FDFT1: variants seen among roughly 807,000 people sequenced by gnomAD.
The protein encoded by FDFT1 is squalene synthase.
In FDFT1, 68 loss-of-function variants were observed where a neutral mutation model predicts 46.8. The observed-to-expected ratio is 1.45, with a 90% CI of 1.19 to 1.78. The LOEUF (loss-of-function observed/expected upper bound fraction) is 1.78, where lower values mean the gene tolerates loss of function less well. Ranked by LOEUF, FDFT1 falls within the 40% of genes most tolerant of loss-of-function variation. The pLI is 0.00. For synonymous variants in FDFT1, 351 were observed against 185.1 expected (o/e 1.90, Z -7.28); for missense variants, 928 against 524.4 (o/e 1.77, Z -7.52).
chr8:11,802,779 C>A lies in FDFT1; in HGVS notation c.-54C>A. On this transcript the variant is annotated 5_prime_UTR_variant, in exon 1 of 8. Coordinates refer to ENST00000220584, the MANE Select transcript of FDFT1 (RefSeq NM_004462.5). ...CACAGGTCCAGCCGGCCGGTGAGCG[C>A]CTGGGGACCGCAGAGGTGAGAGTCG... 2 of 1,427,360 alleles carry A rather than the reference C, an allele frequency of 1.4e-6. No individual in the cohort carries two copies. Among genetic ancestry groups the A allele is most frequent in the Non-Finnish European group, 1.9e-6 (2 of 1,026,600 alleles). The allele number at this position is 1,427,360 out of a possible 1,614,324, so 88.4% of individuals were successfully genotyped here. A position where few individuals can be genotyped will look rare whatever the true frequency, so the allele number is the denominator to read the frequency against.
intron 6 of FDFT1, 86 bp from the exon 7 acceptor site, chr8:11,831,432 C>A: frequency 2.4e-6 from 3 of 1,236,342 alleles, no homozygotes; most frequent in Non-Finnish European, 3.5e-6. Flanking sequence ...ATTGCCCATT[C>A]AACAGAAGGT....
chr8:11,830,712 C>G (rs1286500747), intron 6 of FDFT1, among the ~76,000 whole-genome samples: 1 of 152,148 alleles, frequency 6.6e-6, no homozygotes, highest in African/African-American at 2.4e-5. Context: ...AGGTCTTTGG[C>G]TTAGATTTAT....
chr8:11,810,570 C>G (rs555471130), intron 3 of FDFT1, among the ~76,000 whole-genome samples: 4 of 152,090 alleles, frequency 2.6e-5, no homozygotes, highest in Non-Finnish European at 5.9e-5. Context: ...TAAGTATTAG[C>G]TATTTGGTCT....
At chr8:11,810,077 T>G in intron 3 of FDFT1, 1 of 496,048 alleles carries the variant, frequency 2.0e-6, no homozygotes, top group Admixed American at 3.7e-5. Context: ...AGACTCTCTG[T>G]GCCTCAGTTT....
intron 1 of FDFT1, among the ~76,000 whole-genome samples, chr8:11,797,149 C>T (rs1005716048): frequency 1.3e-5 from 2 of 152,170 alleles, no homozygotes; most frequent in African/African-American, 2.4e-5. Flanking sequence ...GTCTTAAGGA[C>T]GGCTGCTTCG....
chr8:11,819,160 A>G (rs1351367333), intron 3 of FDFT1, among the ~76,000 whole-genome samples: 2 of 152,054 alleles, frequency 1.3e-5, no homozygotes, highest in Non-Finnish European at 1.5e-5. Flanking sequence ...TTCTTTAAGA[A>G]TGCTGAATAT....
chr8:11,830,568 G>T (rs1017074355), intron 6 of FDFT1, 148 bp downstream of exon 6: 2 of 628,688 alleles, frequency 3.2e-6, no homozygotes, highest in East Asian at 2.7e-5. Context: ...CATAGCACCC[G>T]CCTTTGCTTC....
At chr8:11,814,300 GTTT>G (rs368859890) in intron 3 of FDFT1, among the ~76,000 whole-genome samples, 3 of 138,000 alleles carry the variant, frequency 2.2e-5, no homozygotes, top group Non-Finnish European at 4.7e-5. Flanking sequence ...GATTTTATAG[GTTT>G]TTTTTTTTTT....
intron 4 of FDFT1, among the ~76,000 whole-genome samples, chr8:11,825,381 A>C (rs1809817993): frequency 2.0e-5 from 3 of 152,060 alleles, no homozygotes; most frequent in African/African-American, 7.2e-5. Context: ...GTCTCTACTA[A>C]AAATAAAAAA....
chr8:11,796,380 C>G (rs571257122), intron 1 of FDFT1, among the ~76,000 whole-genome samples: 11 of 152,228 alleles, frequency 7.2e-5, no homozygotes, highest in South Asian at 2.1e-4. Flanking sequence ...GCGAAACAGA[C>G]AAGAGATTAT....
In FDFT1 at chr8:11,802,789, G is replaced by A. The variant is rs769012268; in HGVS notation, c.-44G>A. The A allele has an allele frequency of 5.4e-6, 8 of 1,490,720 alleles. No homozygotes were observed. Among genetic ancestry groups the A allele is most frequent in the African/African-American group, 1.4e-5 (1 of 72,334 alleles). The allele number at this position is 1,490,720 out of a possible 1,614,324, so 92.3% of individuals were successfully genotyped here. A position where few individuals can be genotyped will look rare whatever the true frequency, so the allele number is the denominator to read the frequency against. ...GCCGGCCGGTGAGCGCCTGGGGACC[G>A]CAGAGGTGAGAGTCGCGCCCGGGAG... On this transcript the variant is annotated 5_prime_UTR_variant, in exon 1 of 8. Coordinates refer to ENST00000220584, the MANE Select transcript of FDFT1 (RefSeq NM_004462.5).
chr8:11,801,377 T>G (rs1454780109), upstream of FDFT1, among the ~76,000 whole-genome samples: 2 of 152,200 alleles, frequency 1.3e-5, no homozygotes, highest in Non-Finnish European at 2.9e-5. Context: ...TGGAGTGCAA[T>G]AGCGCGATCT....
chr8:11,808,173 G>A, intron 1 of FDFT1: 1 of 803,332 alleles, frequency 1.2e-6, no homozygotes, highest in African/African-American at 1.8e-5. Context: ...AAAGACAGAT[G>A]CGTTGAGTAC....
rs922717128 is a variant in FDFT1, at chr8:11,830,479, G to A, written c.879+59G>A. The A allele has an allele frequency of 1.3e-5, 17 of 1,277,392 alleles. No individual in the cohort carries two copies. Among genetic ancestry groups the A allele is most frequent in the Middle Eastern group, 5.2e-4 (2 of 3,848 alleles). 79.1% of individuals were successfully genotyped at this position (1,277,392 alleles called of 1,614,324 possible). A position where few individuals can be genotyped will look rare whatever the true frequency, so the allele number is the denominator to read the frequency against. On this transcript the variant is annotated intron_variant, in intron 6 of 7. Transcript: ENST00000220584. ...GCTAAAGGGAGTGGGGTAGGAGTAAGGGTGGATTTTGCTGTGCTATATTCA... is the reference window on the plus strand; with the variant it reads ...GCTAAAGGGAGTGGGGTAGGAGTAAAGGTGGATTTTGCTGTGCTATATTCA...
intron 1 of FDFT1, among the ~76,000 whole-genome samples, chr8:11,805,798 G>A (rs560705376): frequency 6.6e-6 from 1 of 152,174 alleles, no homozygotes; most frequent in Non-Finnish European, 1.5e-5. Context: ...GGTTGTATAT[G>A]CATTTTATTG....
In FDFT1 at chr8:11,826,065, C is replaced by T. The variant is rs1809935645; in HGVS notation, c.552C>T (p.Ser184=). ...CTGGGCTGGTCGGAATTGGCCTTTC[C>T]CGTCTTTTCTCAGCCTCAGAGTTTG... ...YVAGLVGIGL[S]RLFSASEFED... is the part of the protein sequence containing the mutation. The change falls in exon 5 of 8, where the codon TCC becomes TCT. Residue 184 remains serine (S), a synonymous_variant. Transcript: ENST00000220584. The T allele has an allele frequency of 6.2e-6, 10 of 1,604,416 alleles. No homozygotes were observed. The highest frequency in any genetic ancestry group is 8.5e-6 in the Non-Finnish European group (10 of 1,172,502).
chr8:11,805,009 A>T (rs941090184), intron 1 of FDFT1, among the ~76,000 whole-genome samples: 67 of 150,876 alleles, frequency 4.4e-4, no homozygotes, highest in African/African-American at 1.5e-3. Context: ...CCTTGGCTGA[A>T]GCCATCCTCC....
At chr8:11,832,527 G>A (rs1191033940) in intron 7 of FDFT1, among the ~76,000 whole-genome samples, 1 of 120,416 alleles carries the variant, frequency 8.3e-6, no homozygotes, top group African/African-American at 3.0e-5. Context: ...ACTCTAGCCT[G>A]GGTGATAGAG....
At chr8:11,833,718 C>G (rs1811175841) in intron 7 of FDFT1, among the ~76,000 whole-genome samples, 1 of 152,184 alleles carries the variant, frequency 6.6e-6, no homozygotes, top group African/African-American at 2.4e-5. Flanking sequence ...GCTGCTTTTG[C>G]AATGTGACGG....
Sources: allele counts gnomAD v4.1 joint callset (sites outside exome capture counted in the v4.1 genomes callset), GRCh38; gene constraint gnomAD v4.1.1; transcripts MANE v1.5; gene names NCBI Gene and HGNC (gene_info 2026-07-23, HGNC 2026-07-21).